Variants in ARHGAP8 observed in about 807,000 individuals in gnomAD.
ARHGAP8 encodes the protein rho GTPase-activating protein 8.
ARHGAP8 carries 62 observed loss-of-function variants against 46.1 expected under a neutral mutation model. That is an observed-to-expected ratio of 1.34 (90% CI 1.10 to 1.66). ARHGAP8 has a LOEUF of 1.66. Ranked by LOEUF, ARHGAP8 falls within the 40% of genes most tolerant of loss-of-function variation. The pLI is 0.00. For missense variants in ARHGAP8, 923 were observed against 568.4 expected (o/e 1.62, Z -6.34); for synonymous variants, 375 against 243.1 (o/e 1.54, Z -5.05).
chr22:44,840,793 A>G (rs78747453), intron 7 of ARHGAP8, among the ~76,000 whole-genome samples: 2,951 of 152,312 alleles, frequency 0.019, 45 homozygotes, highest in Middle Eastern at 0.048. Flanking sequence ...CCTGGTTCAT[A>G]GATGGTGCCT....
chr22:44,793,745 CAG>C (rs1431896333), intron 2 of ARHGAP8, among the ~76,000 whole-genome samples: 1 of 152,152 alleles, frequency 6.6e-6, no homozygotes, highest in Non-Finnish European at 1.5e-5. Context: ...AGGGGAGAAA[CAG>C]GGGTCATGAA....
At position 44,787,850 on chromosome 22, in the gene ARHGAP8, CTG is replaced by C. The variant is rs1927372092; in HGVS notation, c.79+1248_79+1249del. 2.6e-5 allele frequency among the ~76,000 whole-genome samples: 4 copies of C among 151,218 alleles called. No homozygotes were observed. The South Asian group carries it at 8.4e-4, about 32-fold the overall frequency. On this transcript the variant is annotated intron_variant, in intron 2 of 11. Transcript: ENST00000356099. Reference sequence around the variant, plus strand: ...AACATGATAAACACTTTAGTGCACACTGTGTACAGGAGGGACAGCAAGAGGGC... The same window carrying C: ...AACATGATAAACACTTTAGTGCACACTGTACAGGAGGGACAGCAAGAGGGC...
chr22:44,763,757 C>G (rs570982820), intron 1 of ARHGAP8, among the ~76,000 whole-genome samples: 2 of 148,608 alleles, frequency 1.3e-5, no homozygotes, highest in Admixed American at 1.3e-4. Context: ...CCAGACAAGG[C>G]GGAATCGGTG....
rs367763620 is a variant in ARHGAP8 at position 44,859,837 on chromosome 22, G to T, written c.981+3G>T. On this transcript the variant is annotated splice_donor_region_variant and intron_variant, in intron 11 of 11. Transcript: ENST00000356099. ...ACCTCATGGGCTTCCTGCATGCGGT[G>T]AGTGGGGAAGGGGGGAGCTTGGGGT... 1 of 1,613,200 alleles carries T rather than the reference G, an allele frequency of 6.2e-7. No individual in the cohort carries two copies. Among genetic ancestry groups the T allele is most frequent in the South Asian group, 1.1e-5 (1 of 91,034 alleles).
chr22:44,815,733 AGCTCAAGGG>A (rs1929692528), intron 5 of ARHGAP8, among the ~76,000 whole-genome samples: 1 of 152,138 alleles, frequency 6.6e-6, no homozygotes, highest in Non-Finnish European at 1.5e-5. Flanking sequence ...GGGAAGCAAG[AGCTCAAGGG>A]GCTCGTGAGG....
At chr22:44,822,201 C>T (rs936608800) in intron 5 of ARHGAP8, among the ~76,000 whole-genome samples, 170 bp from the exon 6 acceptor site, 1 of 152,096 alleles carries the variant, frequency 6.6e-6, no homozygotes, top group African/African-American at 2.4e-5. Flanking sequence ...TATCTCCCGG[C>T]GTGCGCTGCT....
chr22:44,838,866 G>A (rs1282183053), intron 7 of ARHGAP8, among the ~76,000 whole-genome samples: 2 of 152,102 alleles, frequency 1.3e-5, no homozygotes, highest in African/African-American at 2.4e-5. Flanking sequence ...GACAATTTTC[G>A]TCAGTGCCAT....
intron 1 of ARHGAP8, among the ~76,000 whole-genome samples, chr22:44,763,983 T>C (rs1307514351): frequency 6.6e-6 from 1 of 151,890 alleles, no homozygotes; most frequent in East Asian, 1.9e-4. Context: ...GCTAATTTTT[T>C]TTGTATTTTT....
intron 1 of ARHGAP8, chr22:44,765,411 AG>A (rs1925476837): frequency 6.6e-6 from 1 of 152,116 alleles, no homozygotes; most frequent in South Asian, 2.1e-4. Context: ...TTTGTCACGG[AG>A]GCTGTGTCGC....
At chr22:44,796,365 G>A (rs1373758813) in intron 2 of ARHGAP8, among the ~76,000 whole-genome samples, 1 of 152,136 alleles carries the variant, frequency 6.6e-6, no homozygotes, top group Non-Finnish European at 1.5e-5. Flanking sequence ...GTGCAGGGTG[G>A]GCCGATGCTG....
chr22:44,859,861 G>A (rs369904910), intron 11 of ARHGAP8, 27 bp downstream of exon 11: 7 of 1,608,432 alleles, frequency 4.4e-6, no homozygotes, highest in South Asian at 1.1e-5. Context: ...GGAGCTTGGG[G>A]TGAAGCCCAG....
intron 8 of ARHGAP8, among the ~76,000 whole-genome samples, chr22:44,846,525 C>G (rs1039592611): frequency 6.6e-6 from 1 of 152,214 alleles, no homozygotes; most frequent in Non-Finnish European, 1.5e-5. Context: ...CCCTCAGTCA[C>G]GATGCTCAGC....
At chr22:44,858,371 T>G (rs1398328391) in intron 10 of ARHGAP8, among the ~76,000 whole-genome samples, 2 of 56,372 alleles carry the variant, frequency 3.5e-5, no homozygotes, top group East Asian at 4.7e-3. Context: ...TGGTGGTGGT[T>G]TTTTTTTTTT....
intron 1 of ARHGAP8, among the ~76,000 whole-genome samples, chr22:44,776,556 A>C (rs891211079): frequency 6.6e-6 from 1 of 152,158 alleles, no homozygotes; most frequent in Non-Finnish European, 1.5e-5. Context: ...CTGAAGTGCC[A>C]CCTGCCTTGT....
At chr22:44,808,657 T>C (rs1929111862) in intron 4 of ARHGAP8, 2 of 868,628 alleles carry the variant, frequency 2.3e-6, no homozygotes, top group Non-Finnish European at 3.7e-6. Flanking sequence ...TTTTTCTTTC[T>C]TTCTTTTTTT....
At chr22:44,766,754 C>T (rs1160688811) in intron 1 of ARHGAP8, among the ~76,000 whole-genome samples, 1 of 152,168 alleles carries the variant, frequency 6.6e-6, no homozygotes, top group African/African-American at 2.4e-5. Context: ...CCCTCAGGTG[C>T]TTGGCACCAA....
intron 1 of ARHGAP8, among the ~76,000 whole-genome samples, chr22:44,761,970 C>A (rs574447505): frequency 6.0e-4 from 91 of 152,320 alleles, no homozygotes; most frequent in African/African-American, 2.1e-3. Flanking sequence ...GGGGAACCCC[C>A]CCCAACTCAT....
intron 11 of ARHGAP8, among the ~76,000 whole-genome samples, chr22:44,860,366 T>TC (rs1206075542): frequency 6.6e-6 from 1 of 152,034 alleles, no homozygotes; most frequent in African/African-American, 2.4e-5. Context: ...TAGGGAAGGT[T>TC]CCCCTTCCTG....
At chr22:44,831,005 A>G (rs920608365) in intron 7 of ARHGAP8, among the ~76,000 whole-genome samples, 7 of 152,012 alleles carry the variant, frequency 4.6e-5, no homozygotes, top group Non-Finnish European at 7.4e-5. Flanking sequence ...TCGTTTGCCC[A>G]TTTTTTGTTT....
Sources: gnomAD v4.1 joint callset for allele counts (sites outside exome capture counted in the v4.1 genomes callset) on GRCh38, gnomAD v4.1.1 for gene constraint, MANE v1.5 for transcripts, NCBI Gene and HGNC (gene_info 2026-07-23, HGNC 2026-07-21) for gene names.